The following PTBP2 variants were observed in gnomAD, a reference collection of about 807,000 sequenced individuals.
PTBP2 encodes polypyrimidine tract-binding protein 2.
Under a neutral mutation model 61.4 loss-of-function variants are expected in PTBP2, and 13 were observed. The ratio of observed to expected loss-of-function variants is 0.21; its 90% CI spans 0.14 to 0.34. The LOEUF (loss-of-function observed/expected upper bound fraction) is 0.34. Among genes scored for constraint, PTBP2 ranks in the 10% least tolerant of loss-of-function variants. The pLI is 1.00. For missense variants in PTBP2, 405 were observed against 642.6 expected (o/e 0.63, Z 4.00); for synonymous variants, 215 against 218.5 (o/e 0.98, Z 0.14).
rs1469788728 is a variant in PTBP2, at chr1:96,794,366, A to C, written c.904+9112A>C. Among the ~76,000 whole-genome samples the C allele has an allele frequency of 7.9e-5, 12 of 152,354 alleles. No individual in the cohort carries two copies. In the East Asian group the frequency reaches 1.3e-3, roughly 17 times the overall value. On this transcript the variant is annotated intron_variant, in intron 8 of 13. Coordinates refer to ENST00000674951, the MANE Select transcript of PTBP2 (RefSeq NM_021190.4). ...GTTGACAAATATATGTTGTATGGCT[A>C]AAACAAAGAAAATACTTCTGTTGCT...
intron 3 of PTBP2, among the ~76,000 whole-genome samples, chr1:96,762,852 G>A (rs1448992430): frequency 3.4e-5 from 5 of 147,200 alleles, no homozygotes; most frequent in Non-Finnish European, 6.0e-5. Flanking sequence ...GGGACTCCTC[G>A]CTTCTCAGAT....
chr1:96,767,415 A>G (rs997141463), intron 3 of PTBP2, among the ~76,000 whole-genome samples: 1 of 152,048 alleles, frequency 6.6e-6, no homozygotes, highest in Non-Finnish European at 1.5e-5. Context: ...GGAAAAGGAC[A>G]GACCAAATTA....
At chr1:96,759,293 CAATT>C (rs1464859599) in intron 3 of PTBP2, among the ~76,000 whole-genome samples, 1 of 152,112 alleles carries the variant, frequency 6.6e-6, no homozygotes. Flanking sequence ...GGAGCTAGGA[CAATT>C]AAAACCATTT....
chr1:96,748,501 GT>G (rs2100896993), intron 2 of PTBP2, among the ~76,000 whole-genome samples: 1 of 151,760 alleles, frequency 6.6e-6, no homozygotes, highest in East Asian at 1.9e-4. Context: ...GAATTTTCTT[GT>G]TTCTGTGGGA....
chr1:96,806,672 T>C (rs1424217610), intron 10 of PTBP2, 194 bp from the exon 11 acceptor site: 1 of 651,054 alleles, frequency 1.5e-6, no homozygotes, highest in Non-Finnish European at 2.6e-6. Context: ...CTTTGAGGGT[T>C]TATCAAAAAT....
chr1:96,810,038 A>G (rs886851547), intron 11 of PTBP2, among the ~76,000 whole-genome samples: 1 of 152,168 alleles, frequency 6.6e-6, no homozygotes, highest in Non-Finnish European at 1.5e-5. Context: ...TTTGAATTAT[A>G]AAGGGGAGAA....
intron 5 of PTBP2, among the ~76,000 whole-genome samples, chr1:96,773,985 T>A (rs1657712239): frequency 6.8e-6 from 1 of 148,110 alleles, no homozygotes; most frequent in African/African-American, 2.5e-5. Context: ...AAAAAAGAAT[T>A]CCTGGTACCA....
chr1:96,796,401 A>G (rs564093072), intron 8 of PTBP2, among the ~76,000 whole-genome samples: 1 of 152,160 alleles, frequency 6.6e-6, no homozygotes, highest in South Asian at 2.1e-4. Context: ...GAAGCAAGGG[A>G]GAAAGAAGAA....
chr1:96,816,836 G>A (rs550200119), downstream of PTBP2: 7 of 152,210 alleles, frequency 4.6e-5, no homozygotes, highest in South Asian at 1.5e-3. Flanking sequence ...GGCTCAAATA[G>A]GATAAGTGAA....
intron 7 of PTBP2, among the ~76,000 whole-genome samples, chr1:96,779,477 T>C (rs527299308): frequency 6.6e-6 from 1 of 152,254 alleles, no homozygotes; most frequent in East Asian, 1.9e-4. Context: ...ATGTGTATCT[T>C]GTCTGAAGTA....
intron 8 of PTBP2, among the ~76,000 whole-genome samples, chr1:96,800,873 A>G (rs895350559): frequency 6.6e-6 from 1 of 152,180 alleles, no homozygotes; most frequent in African/African-American, 2.4e-5. Context: ...AAACAGTATT[A>G]TACCACCAAG....
rs66475516 is a variant in PTBP2, at chr1:96,813,661, CTTTTTTTTT to C, written c.*269_*277del. On this transcript the variant is annotated 3_prime_UTR_variant, in exon 14 of 14. Transcript: ENST00000674951. ...TGTTTAAAATTTCAGTTTAATTTTGCTTTTTTTTTTTTTTTTTTTTTCCTTTCAACTTAG... is the reference window on the plus strand; with the variant it reads ...TGTTTAAAATTTCAGTTTAATTTTGCTTTTTTTTTTTTCCTTTCAACTTAG... 3.5e-4 allele frequency: 43 copies of C among 122,288 alleles called. No individual in the cohort carries two copies. The highest frequency in any genetic ancestry group is 5.0e-4 in the Non-Finnish European group (33 of 66,566). 7.6% of individuals were successfully genotyped at this position (122,288 alleles called of 1,614,324 possible). A position where few individuals can be genotyped will look rare whatever the true frequency, so the allele number is the denominator to read the frequency against.
At chr1:96,751,581 C>A in intron 3 of PTBP2, 81 bp downstream of exon 3, 1 of 1,016,122 alleles carries the variant, frequency 9.8e-7, no homozygotes, top group Non-Finnish European at 1.5e-6. Flanking sequence ...CCCTGTTATA[C>A]CAGGAAAGCC....
intron 2 of PTBP2, among the ~76,000 whole-genome samples, chr1:96,734,893 CT>C (rs891559642): frequency 2.2e-5 from 3 of 133,552 alleles, no homozygotes; most frequent in South Asian, 2.7e-4. Context: ...TAATTGTCTC[CT>C]TTTTTTTTCT....
At chr1:96,746,056 A>G (rs1005910437) in intron 2 of PTBP2, among the ~76,000 whole-genome samples, 3 of 146,474 alleles carry the variant, frequency 2.0e-5, no homozygotes, top group Non-Finnish European at 4.5e-5. Flanking sequence ...ACAGACTGAG[A>G]CTCCATCTCA....
At chr1:96,774,595 T>A (rs1657804615) in intron 5 of PTBP2, among the ~76,000 whole-genome samples, 1 of 152,240 alleles carries the variant, frequency 6.6e-6, no homozygotes. Context: ...TTCACACTTT[T>A]TAATTATCTG....
intron 5 of PTBP2, among the ~76,000 whole-genome samples, chr1:96,773,752 G>T (rs1425937385): frequency 6.6e-6 from 1 of 151,498 alleles, no homozygotes. Flanking sequence ...TGAGGTGGGC[G>T]GATCACGAGG....
chr1:96,810,167 A>G (rs1661925470), intron 11 of PTBP2, among the ~76,000 whole-genome samples: 1 of 152,188 alleles, frequency 6.6e-6, no homozygotes, highest in Admixed American at 6.5e-5. Context: ...GATTAAGGGA[A>G]ATGTAAAAAA....
At chr1:96,772,559 C>A (rs1278079566) in intron 5 of PTBP2, among the ~76,000 whole-genome samples, 1 of 152,090 alleles carries the variant, frequency 6.6e-6, no homozygotes, top group Non-Finnish European at 1.5e-5. Context: ...ACCATCATCA[C>A]CCCTTCCCTG....
Sources: gnomAD v4.1 joint callset for allele counts (sites outside exome capture counted in the v4.1 genomes callset) on GRCh38, gnomAD v4.1.1 for gene constraint, MANE v1.5 for transcripts, NCBI Gene and HGNC (gene_info 2026-07-23, HGNC 2026-07-21) for gene names.